Variants in SDR16C5 observed in about 807,000 individuals in gnomAD.
SDR16C5 encodes short chain dehydrogenase/reductase family 16C member 5, also known as epidermal retinol dehydrogenase 2.
Under a neutral mutation model 27.7 loss-of-function variants are expected in SDR16C5, and 20 were observed. The ratio of observed to expected loss-of-function variants is 0.72; its 90% CI spans 0.51 to 1.05. SDR16C5 has a LOEUF of 1.05. Among genes scored for constraint, SDR16C5 ranks in the 50% least tolerant of loss-of-function variants. SDR16C5 has a pLI of 0.00. For missense variants in SDR16C5, 374 were observed against 366.3 expected (o/e 1.02, Z -0.17); for synonymous variants, 139 against 132.3 (o/e 1.05, Z -0.35).
intron 2 of SDR16C5, among the ~76,000 whole-genome samples, chr8:56,314,081 C>T (rs1253953353): frequency 6.6e-6 from 1 of 152,048 alleles, no homozygotes; most frequent in Non-Finnish European, 1.5e-5. Context: ...GTAGCGTGCA[C>T]CTGTAGTCCC....
In SDR16C5 at chr8:56,315,868, T is replaced by A. The variant is rs1393706560; in HGVS notation, c.333+147A>T. 4.7e-6 allele frequency: 3 copies of A among 636,940 alleles called. No individual in the cohort carries two copies. The East Asian group carries it at 7.9e-5, about 17-fold the overall frequency. The allele number at this position is 636,940 out of a possible 1,614,324, so 39.5% of individuals were successfully genotyped here. ...GTTAGTACAGTGTCTTTGCATACAA[T>A]AAGAATTCAAAAATCCCAATTCCCA... On this transcript the variant is annotated intron_variant, in intron 2 of 6. Transcript: ENST00000303749.
At chr8:56,303,848 A>G in intron 6 of SDR16C5, 1 of 647,104 alleles carries the variant, frequency 1.5e-6, no homozygotes, top group East Asian at 2.7e-5. Context: ...TGTGTTGTGA[A>G]TGCACACCCT....
At chr8:56,311,793 A>G (rs1815050847) in intron 3 of SDR16C5, among the ~76,000 whole-genome samples, 1 of 152,218 alleles carries the variant, frequency 6.6e-6, no homozygotes. Flanking sequence ...GTCCTGTCTA[A>G]GTGCAGTTGC....
intron 5 of SDR16C5, 86 bp from the exon 6 acceptor site, chr8:56,305,808 G>A: frequency 7.6e-7 from 1 of 1,313,226 alleles, no homozygotes; most frequent in South Asian, 1.5e-5. Flanking sequence ...GGGATAAAAG[G>A]TTTTAAGACG....
rs149035653 is a variant in SDR16C5, at chr8:56,305,328, C to A, written c.836+269G>T. On this transcript the variant is annotated intron_variant, in intron 6 of 6. Transcript: ENST00000303749. ...AAATCATTTCGATCTTTCCATCTAT[C>A]AGTACATCCACTTCTTTTTCAGAAT... 4.7e-3 allele frequency among the ~76,000 whole-genome samples: 711 copies of A among 152,262 alleles called. 6 individuals are homozygous for A. The highest frequency in any genetic ancestry group is 0.016 in the African/African-American group (663 of 41,548).
rs758034850 is a variant in SDR16C5 at position 56,300,640 on chromosome 8, T to G, written c.*840A>C. The stretch of plus-strand genomic sequence containing the variant: ...CATTCTGCAGGAAAATGCCTCAACC[T>G]GAATCCCAACTTGAAATACTAAGTT... On this transcript the variant is annotated 3_prime_UTR_variant, in exon 7 of 7. Coordinates refer to ENST00000303749, the MANE Select transcript of SDR16C5 (RefSeq NM_138969.4). 1 of 152,224 alleles carries G rather than the reference T, an allele frequency of 6.6e-6. No homozygotes were observed. Among genetic ancestry groups the G allele is most frequent in the Non-Finnish European group, 1.5e-5 (1 of 68,046 alleles). The allele number at this position is 152,224 out of a possible 1,614,324, so 9.4% of individuals were successfully genotyped here.
At chr8:56,309,145 G>T in intron 3 of SDR16C5, 118 bp from the exon 4 acceptor site, 1 of 885,186 alleles carries the variant, frequency 1.1e-6, no homozygotes, top group Non-Finnish European at 1.6e-6. Flanking sequence ...AATATCTGAA[G>T]GTATGGGGAT....
intron 2 of SDR16C5, among the ~76,000 whole-genome samples, chr8:56,315,801 A>C (rs192317144): frequency 6.6e-6 from 1 of 152,332 alleles, no homozygotes; most frequent in Admixed American, 6.5e-5. Flanking sequence ...AATAGGGATA[A>C]TAATGGGTTT....
chr8:56,304,819 C>T (rs1814842424), intron 6 of SDR16C5, among the ~76,000 whole-genome samples: 2 of 152,110 alleles, frequency 1.3e-5, no homozygotes, highest in Non-Finnish European at 2.9e-5. Flanking sequence ...GCCTCAGCCT[C>T]CTGACTAGCT....
intron 1 of SDR16C5, among the ~76,000 whole-genome samples, chr8:56,318,046 G>A (rs1041047917): frequency 3.9e-5 from 6 of 152,218 alleles, no homozygotes; most frequent in Non-Finnish European, 8.8e-5. Flanking sequence ...TTCAGATTGG[G>A]CTTGGGAGAG....
chr8:56,313,130 C>T (rs1350072468), intron 2 of SDR16C5, among the ~76,000 whole-genome samples: 1 of 152,146 alleles, frequency 6.6e-6, no homozygotes, highest in Non-Finnish European at 1.5e-5. Flanking sequence ...TAAAATGAGT[C>T]CATGTTCAAA....
intron 6 of SDR16C5, among the ~76,000 whole-genome samples, chr8:56,302,071 A>G (rs1458593753): frequency 6.6e-6 from 1 of 152,136 alleles, no homozygotes; most frequent in African/African-American, 2.4e-5. Flanking sequence ...CCCAACTAAC[A>G]CTGTCCATCT....
Position 56,308,912 on chromosome 8 carries a change from G to C in SDR16C5, c.565+16C>G, listed in dbSNP as rs1439153016. ...ATAGGGAATTTTGCAATTGTAAATT[G>C]CTATGTTTTTCTTACCTGCCAGCCC... On this transcript the variant is annotated intron_variant, in intron 4 of 6. Transcript: ENST00000303749. 3.2e-6 allele frequency: 5 copies of C among 1,578,540 alleles called. No homozygotes were observed. Among genetic ancestry groups the C allele is most frequent in the Non-Finnish European group, 3.5e-6 (4 of 1,154,394 alleles).
intron 4 of SDR16C5, among the ~76,000 whole-genome samples, chr8:56,307,182 T>A (rs914320173): frequency 6.6e-6 from 1 of 152,100 alleles, no homozygotes; most frequent in Non-Finnish European, 1.5e-5. Flanking sequence ...CATGAAGACA[T>A]TCAAAAGAAG....
intron 1 of SDR16C5, among the ~76,000 whole-genome samples, chr8:56,319,092 T>C (rs1049765784): frequency 7.6e-5 from 11 of 145,490 alleles, no homozygotes; most frequent in Admixed American, 6.3e-4. Context: ...ATGTGGTCAC[T>C]ACTAGCTTGT....
chr8:56,305,406 G>T (rs924859899), intron 6 of SDR16C5, among the ~76,000 whole-genome samples, 191 bp downstream of exon 6: 6 of 152,118 alleles, frequency 3.9e-5, no homozygotes, highest in Non-Finnish European at 8.8e-5. Context: ...TTGACTCATG[G>T]CGGGCACTGC....
intron 2 of SDR16C5, among the ~76,000 whole-genome samples, chr8:56,314,520 G>T (rs2129261393): frequency 6.6e-6 from 1 of 152,314 alleles, no homozygotes; most frequent in East Asian, 1.9e-4. Flanking sequence ...ACCGGTTATT[G>T]CTTAAGGCTG....
chr8:56,304,143 T>C (rs1177979566), intron 6 of SDR16C5: 1 of 688,272 alleles, frequency 1.5e-6, no homozygotes. Flanking sequence ...GTAGATATAA[T>C]TAGCTAATGA....
rs1814866398 is a variant in SDR16C5 at position 56,305,737 on chromosome 8, G to T, written c.711-15C>A. The T allele has an allele frequency of 6.4e-7, 1 of 1,562,116 alleles. No homozygotes were observed. The highest frequency in any genetic ancestry group is 1.3e-5 in the South Asian group (1 of 79,032). ...GAGAAGGACAGCTAGGATATAAAAT[G>T]ACAACAATTAAAAAAAACCCTGAAG... is the stretch of plus-strand genomic sequence containing the variant. On this transcript the variant is annotated splice_polypyrimidine_tract_variant and intron_variant, in intron 5 of 6. Coordinates refer to ENST00000303749, the MANE Select transcript of SDR16C5 (RefSeq NM_138969.4).
Sources: allele counts gnomAD v4.1 joint callset (sites outside exome capture counted in the v4.1 genomes callset), GRCh38; gene constraint gnomAD v4.1.1; transcripts MANE v1.5; gene names NCBI Gene and HGNC (gene_info 2026-07-23, HGNC 2026-07-21).